PCDH15: variants seen among roughly 807,000 people sequenced by gnomAD.
The protein encoded by PCDH15 is protocadherin related 15.
PCDH15 carries 129 observed loss-of-function variants against 178.5 expected under a neutral mutation model. That is an observed-to-expected ratio of 0.72 (90% CI 0.63 to 0.84). The LOEUF (loss-of-function observed/expected upper bound fraction) is 0.84, where lower values mean the gene tolerates loss of function less well. Ranked by LOEUF, PCDH15 falls within the 40% of genes least tolerant of loss-of-function variation. The pLI, the probability that PCDH15 is intolerant of heterozygous loss-of-function variation, is 0.00. For synonymous variants in PCDH15, 800 were observed against 732.0 expected (o/e 1.09, Z -1.50); for missense variants, 2,230 against 2,099.9 (o/e 1.06, Z -1.21).
chr10:54,970,749 C>T (rs1288869047), intron 2 of PCDH15, among the ~76,000 whole-genome samples: 1 of 152,138 alleles, frequency 6.6e-6, no homozygotes, highest in Non-Finnish European at 1.5e-5. Flanking sequence ...ACTACCTTTG[C>T]TACCTGCCTG....
intron 4 of PCDH15, among the ~76,000 whole-genome samples, chr10:54,378,156 C>T (rs1350784669): frequency 6.6e-6 from 1 of 151,962 alleles, no homozygotes; most frequent in East Asian, 1.9e-4. Flanking sequence ...AACTCCTGGG[C>T]TCAAGCAGTT....
chr10:54,940,908 A>T (rs779295019), intron 2 of PCDH15, among the ~76,000 whole-genome samples: 3 of 152,028 alleles, frequency 2.0e-5, no homozygotes, highest in Non-Finnish European at 2.9e-5. Flanking sequence ...TGAATCTTTG[A>T]GTCTAAAGTG....
intron 2 of PCDH15, among the ~76,000 whole-genome samples, chr10:55,141,748 AG>A (rs1838358635): frequency 6.6e-6 from 1 of 152,142 alleles, no homozygotes; most frequent in Non-Finnish European, 1.5e-5. Flanking sequence ...AGGAAAAGAC[AG>A]ATGGTTATGT....
At chr10:54,184,732 C>T (rs2048334252) in intron 12 of PCDH15, among the ~76,000 whole-genome samples, 1 of 151,898 alleles carries the variant, frequency 6.6e-6, no homozygotes, top group African/African-American at 2.4e-5. Flanking sequence ...TAAATGTTCA[C>T]TGGAGGGAAA....
intron 2 of PCDH15, among the ~76,000 whole-genome samples, chr10:55,499,990 C>T (rs528475595): frequency 7.3e-4 from 111 of 151,678 alleles, no homozygotes; most frequent in Non-Finnish European, 1.4e-3. Flanking sequence ...TGCTTTCCAT[C>T]AGGTGCAAAA....
At chr10:54,921,603 C>T (rs1401012170) in intron 2 of PCDH15, among the ~76,000 whole-genome samples, 1 of 152,010 alleles carries the variant, frequency 6.6e-6, no homozygotes, top group Non-Finnish European at 1.5e-5. Context: ...CTGTTACTGC[C>T]CTAGTTTGCT....
chr10:53,931,201 T>A (rs1211312390), intron 25 of PCDH15, among the ~76,000 whole-genome samples: 1 of 152,156 alleles, frequency 6.6e-6, no homozygotes, highest in Non-Finnish European at 1.5e-5. Context: ...TTCCCATGAT[T>A]AAAACAGTGT....
chr10:54,163,775 T>A (rs2045944283), intron 13 of PCDH15, among the ~76,000 whole-genome samples: 1 of 152,072 alleles, frequency 6.6e-6, no homozygotes, highest in Non-Finnish European at 1.5e-5. Context: ...TTGGCATTAC[T>A]CAGGAATGAT....
intron 13 of PCDH15, among the ~76,000 whole-genome samples, chr10:54,161,022 T>A (rs925846435): frequency 6.6e-6 from 1 of 152,182 alleles, no homozygotes; most frequent in African/African-American, 2.4e-5. Flanking sequence ...GATATCTATA[T>A]ATAACAAACA....
chr10:54,921,622 T>A (rs913088643), intron 2 of PCDH15, among the ~76,000 whole-genome samples: 6 of 152,146 alleles, frequency 3.9e-5, no homozygotes, highest in Admixed American at 3.9e-4. Flanking sequence ...CTAAAGATAA[T>A]CACCTCTAGC....
In PCDH15 at chr10:54,587,886, T is replaced by C. The variant is rs147287227; in HGVS notation, c.92-60009A>G. ...AAACAGAGTTATAGAAAGAAAGAAC[T>C]GACTTTAATTCTTTTATTCCCAGTG... On this transcript the variant is annotated intron_variant, in intron 2 of 37. Transcript: ENST00000644397. Among the ~76,000 whole-genome samples, 825 of 152,304 alleles carry C rather than the reference T, an allele frequency of 5.4e-3. 8 individuals carry two copies. Among genetic ancestry groups the C allele is most frequent in the African/African-American group, 0.018 (763 of 41,576 alleles).
At chr10:55,134,971 C>T (rs1194182591) in intron 2 of PCDH15, among the ~76,000 whole-genome samples, 1 of 152,084 alleles carries the variant, frequency 6.6e-6, no homozygotes, top group Non-Finnish European at 1.5e-5. Flanking sequence ...TGAGCTTCAA[C>T]ATAACATTAC....
chr10:55,331,908 G>A (rs1273094921), intron 2 of PCDH15, among the ~76,000 whole-genome samples: 2 of 151,934 alleles, frequency 1.3e-5, no homozygotes, highest in African/African-American at 2.4e-5. Context: ...CCATGATAAT[G>A]GAAAACAAAT....
At chr10:53,966,583 A>G (rs538141189) in intron 21 of PCDH15, among the ~76,000 whole-genome samples, 2 of 152,230 alleles carry the variant, frequency 1.3e-5, no homozygotes, top group East Asian at 3.9e-4. Context: ...ATCAAGTCAA[A>G]TTCATTGTTT....
chr10:54,406,259 A>G (rs1952652754), intron 3 of PCDH15, among the ~76,000 whole-genome samples: 1 of 152,102 alleles, frequency 6.6e-6, no homozygotes, highest in African/African-American at 2.4e-5. Flanking sequence ...GTTGCAGAAA[A>G]AGGAAGATCA....
chr10:54,550,586 A>G (rs901001158), intron 2 of PCDH15, among the ~76,000 whole-genome samples: 10 of 152,166 alleles, frequency 6.6e-5, no homozygotes, highest in Admixed American at 1.3e-4. Context: ...TGAAATTTAA[A>G]GCTGGCCTTC....
chr10:55,075,217 G>T, intron 2 of PCDH15, among the ~76,000 whole-genome samples: 1 of 151,622 alleles, frequency 6.6e-6, no homozygotes, highest in South Asian at 2.1e-4. Context: ...TTTCCTCTAG[G>T]GTTATGAGAA....
chr10:55,434,523 T>G (rs868334032), intron 2 of PCDH15, among the ~76,000 whole-genome samples: 1 of 152,200 alleles, frequency 6.6e-6, no homozygotes, highest in Non-Finnish European at 1.5e-5. Flanking sequence ...ATGTCAGATT[T>G]ACTTATCCAC....
chr10:55,486,447 A>C, intron 2 of PCDH15, among the ~76,000 whole-genome samples: 1 of 142,280 alleles, frequency 7.0e-6, no homozygotes, highest in African/African-American at 2.6e-5. Flanking sequence ...GAGAAAATAT[A>C]ATAATTTATA....
Sources: allele counts gnomAD v4.1 joint callset (sites outside exome capture counted in the v4.1 genomes callset), GRCh38; gene constraint gnomAD v4.1.1; transcripts MANE v1.5; gene names NCBI Gene and HGNC (gene_info 2026-07-23, HGNC 2026-07-21).